The following SCFD2 variants were observed in gnomAD, a reference collection of about 807,000 sequenced individuals.
SCFD2 encodes sec1 family domain-containing protein 2.
Under a neutral mutation model 58.9 loss-of-function variants are expected in SCFD2, and 54 were observed. The ratio of observed to expected loss-of-function variants is 0.92; its 90% CI spans 0.74 to 1.15. The LOEUF is 1.15. Among genes scored for constraint, SCFD2 ranks in the 50% most tolerant of loss-of-function variants. The pLI is 0.00. For synonymous variants in SCFD2, 321 were observed against 335.9 expected (o/e 0.96, Z 0.49); for missense variants, 805 against 836.6 (o/e 0.96, Z 0.47).
At chr4:53,216,211 A>G (rs148804867) in intron 4 of SCFD2, among the ~76,000 whole-genome samples, 11,050 of 152,256 alleles carry the variant, frequency 0.073, 613 homozygotes, top group South Asian at 0.21. Flanking sequence ...GAATTGTTTC[A>G]GAAGGAATGG....
intron 4 of SCFD2, among the ~76,000 whole-genome samples, chr4:53,272,411 T>C (rs1731199928): frequency 2.0e-5 from 3 of 152,188 alleles, no homozygotes; most frequent in Non-Finnish European, 1.5e-5. Flanking sequence ...CGTATGTTTA[T>C]TGCAGCACTA....
intron 5 of SCFD2, among the ~76,000 whole-genome samples, chr4:53,015,582 C>T (rs1199739456): frequency 6.6e-6 from 1 of 152,150 alleles, no homozygotes; most frequent in Non-Finnish European, 1.5e-5. Flanking sequence ...TATCAGCACA[C>T]GTCTTCCATC....
At chr4:52,984,005 T>C (rs1721434443) in intron 5 of SCFD2, among the ~76,000 whole-genome samples, 1 of 152,218 alleles carries the variant, frequency 6.6e-6, no homozygotes, top group Admixed American at 6.5e-5. Context: ...CACATAGTTT[T>C]TGACTGAGTA....
intron 4 of SCFD2, among the ~76,000 whole-genome samples, chr4:53,180,033 C>T (rs548455774): frequency 6.6e-6 from 1 of 152,278 alleles, no homozygotes; most frequent in South Asian, 2.1e-4. Context: ...GAGACTTAGA[C>T]TCCCACACAA....
intron 4 of SCFD2, among the ~76,000 whole-genome samples, chr4:53,176,750 G>C (rs1057324817): frequency 6.6e-6 from 1 of 152,114 alleles, no homozygotes; most frequent in African/African-American, 2.4e-5. Context: ...AGGAGTTCTA[G>C]ACCAGCCTGC....
intron 5 of SCFD2, among the ~76,000 whole-genome samples, chr4:53,097,251 G>T (rs1312582818): frequency 2.6e-5 from 4 of 152,208 alleles, no homozygotes; most frequent in Non-Finnish European, 5.9e-5. Flanking sequence ...ATTCTGTGAA[G>T]AAAGGCATTG....
chr4:53,258,085 T>C (rs1730703512), intron 4 of SCFD2, among the ~76,000 whole-genome samples: 1 of 152,180 alleles, frequency 6.6e-6, no homozygotes, highest in African/African-American at 2.4e-5. Context: ...GGTTTCCAAG[T>C]CATCCTCACT....
At chr4:53,020,474 T>C (rs4864710) in intron 5 of SCFD2, among the ~76,000 whole-genome samples, 148,027 of 152,304 alleles carry the variant, frequency 0.97, 72,060 homozygotes, top group Middle Eastern at 1. Context: ...ACTGTCAGTC[T>C]TATCATCTGT....
chr4:53,040,187 T>C (rs1410161439), intron 5 of SCFD2, among the ~76,000 whole-genome samples: 1 of 152,184 alleles, frequency 6.6e-6, no homozygotes, highest in Admixed American at 6.6e-5. Flanking sequence ...TGTTTTTGTT[T>C]AGAGTGCTGT....
intron 4 of SCFD2, among the ~76,000 whole-genome samples, chr4:53,268,066 G>C (rs1731044383): frequency 6.6e-6 from 1 of 152,096 alleles, no homozygotes; most frequent in Non-Finnish European, 1.5e-5. Context: ...CGGTAGGGCA[G>C]GAGGAATGAA....
chr4:52,997,473 C>G (rs1177593981), intron 5 of SCFD2, among the ~76,000 whole-genome samples: 2 of 152,236 alleles, frequency 1.3e-5, no homozygotes, highest in Non-Finnish European at 2.9e-5. Flanking sequence ...AGACAAGCCT[C>G]CTACTTGTGG....
At chr4:53,035,148 C>T (rs1377023246) in intron 5 of SCFD2, among the ~76,000 whole-genome samples, 1 of 152,120 alleles carries the variant, frequency 6.6e-6, no homozygotes, top group East Asian at 1.9e-4. Flanking sequence ...TGGAACAGAA[C>T]AGAGCCTCAG....
intron 7 of SCFD2, among the ~76,000 whole-genome samples, chr4:52,906,986 G>T (rs1719362025): frequency 6.6e-6 from 1 of 152,134 alleles, no homozygotes; most frequent in Non-Finnish European, 1.5e-5. Flanking sequence ...TCTGACACTT[G>T]TCGCCTAGGA....
rs117401864 is a variant in SCFD2, at chr4:52,903,968, G to A, written c.1842+3489C>T. ...TACAAAAGTATGAACAAAATGTATA[G>A]AGCCCTGAAGAAGCCACATGGGGCC... is the stretch of plus-strand genomic sequence containing the variant. On this transcript the variant is annotated intron_variant, in intron 7 of 8. Transcript: ENST00000401642. Among the ~76,000 whole-genome samples the A allele has an allele frequency of 3.7e-4, 57 of 152,282 alleles. No individual in the cohort carries two copies. In the East Asian group the frequency reaches 0.011, roughly 28 times the overall value.
rs139667677 is a variant in SCFD2 at position 53,002,943 on chromosome 4, G to A, written c.1562-82073C>T. On this transcript the variant is annotated intron_variant, in intron 5 of 8. Transcript: ENST00000401642. The stretch of plus-strand genomic sequence containing the variant: ...TCTTACATGGTGGGAGTAGGAAGAA[G>A]AGAGAGAGGTGGGAGGTGCTACACA... Among the ~76,000 whole-genome samples the A allele has an allele frequency of 1.6e-3, 237 of 152,290 alleles. 2 individuals are homozygous for A. The highest frequency in any genetic ancestry group is 5.3e-3 in the African/African-American group (219 of 41,560).
intron 5 of SCFD2, among the ~76,000 whole-genome samples, chr4:53,068,283 T>C (rs1723720587): frequency 6.6e-6 from 1 of 152,116 alleles, no homozygotes; most frequent in Admixed American, 6.6e-5. Flanking sequence ...AAAATATACA[T>C]AAATTTAACT....
chr4:53,087,189 G>A (rs1433295823), intron 5 of SCFD2, among the ~76,000 whole-genome samples: 1 of 152,090 alleles, frequency 6.6e-6, no homozygotes, highest in Non-Finnish European at 1.5e-5. Context: ...TAAAATTGAA[G>A]GAAAAGCTAT....
chr4:52,883,296 T>A (rs2109444520), intron 8 of SCFD2, among the ~76,000 whole-genome samples: 1 of 152,316 alleles, frequency 6.6e-6, no homozygotes, highest in South Asian at 2.1e-4. Context: ...ACAGCATGTG[T>A]CACTCTGCAA....
At chr4:52,961,375 G>A (rs993414985) in intron 5 of SCFD2, among the ~76,000 whole-genome samples, 1 of 152,240 alleles carries the variant, frequency 6.6e-6, no homozygotes, top group Non-Finnish European at 1.5e-5. Flanking sequence ...AACACTGAGA[G>A]AGGCAGAGCC....
Sources: gnomAD v4.1 joint callset for allele counts (sites outside exome capture counted in the v4.1 genomes callset) on GRCh38, gnomAD v4.1.1 for gene constraint, MANE v1.5 for transcripts, NCBI Gene and HGNC (gene_info 2026-07-23, HGNC 2026-07-21) for gene names.